GPSM1: variants seen among roughly 807,000 people sequenced by gnomAD.
GPSM1 encodes the protein G protein signaling modulator 1.
GPSM1 carries 48 observed loss-of-function variants against 70.5 expected under a neutral mutation model. The ratio of observed to expected loss-of-function variants is 0.68; its 90% CI spans 0.54 to 0.87. The LOEUF is 0.87. GPSM1 is among the 40% of genes least tolerant of loss of function. The pLI is 0.00. For synonymous variants in GPSM1, 416 were observed against 430.1 expected (o/e 0.97, Z 0.41); for missense variants, 981 against 972.6 (o/e 1.01, Z -0.11).
chr9:136,354,966 G>A (rs1271825851), intron 11 of GPSM1: 2 of 1,049,142 alleles, frequency 1.9e-6, no homozygotes, highest in East Asian at 1.1e-4. Context: ...CAGAGGCCTG[G>A]ACTGGGGTAG....
chr9:136,329,464 C>T (rs1202690306), intron 1 of GPSM1, among the ~76,000 whole-genome samples: 3 of 152,210 alleles, frequency 2.0e-5, no homozygotes, highest in Admixed American at 1.3e-4. Flanking sequence ...GAGCAAGACA[C>T]GGAAAAGTCT....
chr9:136,340,111 C>T lies in GPSM1; in HGVS notation c.1083+296C>T, dbSNP rs1295536277. Reference sequence around the variant, plus strand: ...CAGCGCCCTCCTACTGTGGTCAGGGCGGAACATCACAGATGAACTGTGGGC... The same window carrying T: ...CAGCGCCCTCCTACTGTGGTCAGGGTGGAACATCACAGATGAACTGTGGGC... On this transcript the variant is annotated intron_variant, in intron 8 of 13. Coordinates refer to ENST00000440944, the MANE Select transcript of GPSM1 (RefSeq NM_001145638.3). This position sits in a 1 kb window ranked among gnomAD's most constrained non-coding sequence, Gnocchi z 7.3. Among the ~76,000 whole-genome samples the T allele has an allele frequency of 6.6e-6, 1 of 152,188 alleles. No individual in the cohort carries two copies. The highest frequency in any genetic ancestry group is 1.5e-5 in the Non-Finnish European group (1 of 68,022).
At chr9:136,352,793 C>T (rs1385497091) in intron 11 of GPSM1, among the ~76,000 whole-genome samples, 8 of 152,208 alleles carry the variant, frequency 5.3e-5, no homozygotes, top group African/African-American at 9.7e-5. Context: ...AAGGGCTCTT[C>T]GGCAGGCTGT....
intron 3 of GPSM1, 75 bp downstream of exon 3, chr9:136,336,176 C>A (rs973202316): frequency 2.1e-6 from 3 of 1,449,740 alleles, no homozygotes; most frequent in Non-Finnish European, 2.8e-6. Flanking sequence ...TAGGGGCGGG[C>A]GGGTGACTCA....
chr9:136,346,825 G>A (rs1554771345), intron 9 of GPSM1, among the ~76,000 whole-genome samples: 1 of 152,208 alleles, frequency 6.6e-6, no homozygotes, highest in East Asian at 1.9e-4. Flanking sequence ...GGCTGGGAGG[G>A]GCTGTGTGTG....
At position 136,348,759 on chromosome 9, in the gene GPSM1, C is replaced by A; in HGVS notation, c.1270C>A (p.Leu424Met). ...AETWDLLRLP[L>M]EREQNGDSHH... Reference sequence around the variant, plus strand: ...GACCTGGGACCTGCTGAGACTCCCCCTGGAGCGGGTGAGCCAGGGACACGG... The same window carrying A: ...GACCTGGGACCTGCTGAGACTCCCCATGGAGCGGGTGAGCCAGGGACACGG... The change falls in exon 10 of 14, where the codon CTG becomes ATG. Residue 424 changes from leucine (L) to methionine (M), a missense_variant. Transcript: ENST00000440944. 1 of 1,611,184 alleles carries A rather than the reference C, an allele frequency of 6.2e-7. No homozygotes were observed. Among genetic ancestry groups the A allele is most frequent in the Non-Finnish European group, 8.5e-7 (1 of 1,178,714 alleles).
In GPSM1 at chr9:136,355,891, G is replaced by C. The variant is rs782641371; in HGVS notation, c.1612+45G>C. 3.7e-5 allele frequency: 56 copies of C among 1,524,492 alleles called. No homozygotes were observed. The South Asian group carries it at 5.0e-4, about 14-fold the overall frequency. The allele number at this position is 1,524,492 out of a possible 1,614,324, so 94.4% of individuals were successfully genotyped here. A position where few individuals can be genotyped will look rare whatever the true frequency, so the allele number is the denominator to read the frequency against. On this transcript the variant is annotated intron_variant, in intron 12 of 13. Transcript: ENST00000440944. ...GGGCCCTCCCTTGGGCTTGTCTGCA[G>C]GGGCCAGGACCAGGGCTCCCGTCCT... is the stretch of plus-strand genomic sequence containing the variant.
Position 136,343,050 on chromosome 9 carries a change from G to A in GPSM1, c.1207+2057G>A, listed in dbSNP as rs928038845. On this transcript the variant is annotated intron_variant, in intron 9 of 13. Transcript: ENST00000440944. This position sits in a 1 kb window ranked among gnomAD's most constrained non-coding sequence, Gnocchi z 6.0. ...AAAGAGCCTTGGCGCGGCTCAGTCA[G>A]CGTATTAATCTCACCGCCCTCTGCT... Among the ~76,000 whole-genome samples the A allele has an allele frequency of 6.6e-6, 1 of 152,100 alleles. No individual in the cohort carries two copies. Among genetic ancestry groups the A allele is most frequent in the Non-Finnish European group, 1.5e-5 (1 of 68,004 alleles).
chr9:136,337,694 G>A, intron 5 of GPSM1, 130 bp downstream of exon 5: 1 of 1,001,616 alleles, frequency 1.0e-6, no homozygotes, highest in South Asian at 1.5e-5. Flanking sequence ...CCGAGTCCTG[G>A]CCTCATCTGC....
rs1359863748 is a variant in GPSM1, at chr9:136,340,575, G to A, written c.1084-295G>A. ...GAGAGAGGTGCAGCCGGGCGGGGCC[G>A]GGCCCCTCGCGCACCGGAGGGCACA... On this transcript the variant is annotated intron_variant, in intron 8 of 13. Coordinates refer to ENST00000440944, the MANE Select transcript of GPSM1 (RefSeq NM_001145638.3). This position sits in a 1 kb window ranked among gnomAD's most constrained non-coding sequence, Gnocchi z 7.3. Among the ~76,000 whole-genome samples, 4 of 152,052 alleles carry A rather than the reference G, an allele frequency of 2.6e-5. No homozygotes were observed. Among genetic ancestry groups the A allele is most frequent in the South Asian group, 4.1e-4 (2 of 4,826 alleles).
Position 136,341,451 on chromosome 9 carries a change from G to T in GPSM1, c.1207+458G>T. ...TCAGGCAAGGCCCAAGGCCATGCGAGGCCACCGTGGTGACCTCATTCATGG... is the reference window on the plus strand; with the variant it reads ...TCAGGCAAGGCCCAAGGCCATGCGATGCCACCGTGGTGACCTCATTCATGG... On this transcript the variant is annotated intron_variant, in intron 9 of 13. Transcript: ENST00000440944. This position sits in a 1 kb window ranked among gnomAD's most constrained non-coding sequence, Gnocchi z 6.7. The T allele has an allele frequency of 7.3e-7, 1 of 1,367,602 alleles. No homozygotes were observed. Among genetic ancestry groups the T allele is most frequent in the Non-Finnish European group, 9.4e-7 (1 of 1,063,002 alleles). 84.7% of individuals were successfully genotyped at this position (1,367,602 alleles called of 1,614,324 possible). A position where few individuals can be genotyped will look rare whatever the true frequency, so the allele number is the denominator to read the frequency against.
At chr9:136,335,926 C>T in intron 2 of GPSM1, 40 bp from the exon 3 acceptor site, 1 of 1,601,796 alleles carries the variant, frequency 6.2e-7, no homozygotes, top group African/African-American at 1.3e-5. Context: ...GAGGCCTGAC[C>T]AGTCCTCAGC....
Position 136,336,948 on chromosome 9 carries a change from A to G in GPSM1, c.454A>G (p.Ile152Val). The G allele has an allele frequency of 1.3e-6, 2 of 1,557,544 alleles. 1 individual carries two copies. Among genetic ancestry groups the G allele is most frequent in the Non-Finnish European group, 1.7e-6 (2 of 1,151,342 alleles). ...KVGEARALYN[I>V]GNVYHAKGKQ... is the part of the protein sequence containing the mutation. ...TGGGGAGGCGAGGGCCCTCTACAAC[A>G]TCGGGAACGTGTACCACGCCAAAGG... The change falls in exon 4 of 14, where the codon ATC (isoleucine) becomes GTC (valine). Residue 152 changes from isoleucine (I) to valine (V), a missense_variant. Coordinates refer to ENST00000440944, the MANE Select transcript of GPSM1 (RefSeq NM_001145638.3).
chr9:136,356,572 G>C (rs527453326), intron 13 of GPSM1, 22 bp downstream of exon 13: 1 of 1,565,648 alleles, frequency 6.4e-7, no homozygotes, highest in African/African-American at 1.4e-5. Flanking sequence ...CCCTGGGCGG[G>C]CGTGGCTCGC....
rs1832686177 is a variant in GPSM1 at position 136,352,178 on chromosome 9, CGTTGCTGTTGGTG to C, written c.1455+2416_1455+2428del. Among the ~76,000 whole-genome samples, 2 of 130,850 alleles carry C rather than the reference CGTTGCTGTTGGTG, an allele frequency of 1.5e-5. 1 individual carries two copies. Among genetic ancestry groups the C allele is most frequent in the Non-Finnish European group, 3.3e-5 (2 of 60,582 alleles). The allele number at this position is 130,850 out of a possible 152,430, so 85.8% of individuals were successfully genotyped here. A position where few individuals can be genotyped will look rare whatever the true frequency, so the allele number is the denominator to read the frequency against. On this transcript the variant is annotated intron_variant, in intron 11 of 13. Transcript: ENST00000440944. Reference sequence around the variant, plus strand: ...GCTGTTGGTGACACCAATGCTGCGCCGTTGCTGTTGGTGACACCGATGCTGCGCCGTTGCTGTT... The same window carrying C: ...GCTGTTGGTGACACCAATGCTGCGCCACACCGATGCTGCGCCGTTGCTGTT...
intron 11 of GPSM1, among the ~76,000 whole-genome samples, chr9:136,353,825 G>T (rs1399690267): frequency 6.6e-6 from 1 of 152,166 alleles, no homozygotes; most frequent in Non-Finnish European, 1.5e-5. Flanking sequence ...TTTAGACCAG[G>T]AGGCCACATC....
intron 1 of GPSM1, among the ~76,000 whole-genome samples, chr9:136,329,798 G>A (rs994435825): frequency 4.6e-5 from 7 of 151,738 alleles, no homozygotes; most frequent in South Asian, 2.1e-4. Context: ...GTGCTGGGTC[G>A]GTGGGGACGG....
chr9:136,357,045 G>C (rs1832850497), intron 13 of GPSM1, among the ~76,000 whole-genome samples: 1 of 152,182 alleles, frequency 6.6e-6, no homozygotes, highest in Admixed American at 6.5e-5. Flanking sequence ...TCCAGCCCCA[G>C]AGGGCAGAGC....
At chr9:136,328,881 A>C (rs1274366596) in intron 1 of GPSM1, among the ~76,000 whole-genome samples, 1 of 152,150 alleles carries the variant, frequency 6.6e-6, no homozygotes, top group East Asian at 1.9e-4. Flanking sequence ...TCCTCCGCTG[A>C]TCTGATCGGC....
Sources: gnomAD v4.1 joint callset for allele counts (sites outside exome capture counted in the v4.1 genomes callset) on GRCh38, gnomAD v4.1.1 for gene constraint, Gnocchi (gnomAD v3.1) non-coding constraint, MANE v1.5 for transcripts, NCBI Gene and HGNC (gene_info 2026-07-23, HGNC 2026-07-21) for gene names.